The following ZFHX3 variants were observed in gnomAD, a reference collection of about 807,000 sequenced individuals.
ZFHX3 encodes zinc finger homeobox 3.
In ZFHX3, 42 loss-of-function variants were observed where a neutral mutation model predicts 279.1. The observed-to-expected ratio is 0.15, with a 90% confidence interval of 0.12 to 0.19. The LOEUF (loss-of-function observed/expected upper bound fraction) is 0.19, where lower values mean the gene tolerates loss of function less well. Among genes scored for constraint, ZFHX3 ranks in the 10% least tolerant of loss-of-function variants. The pLI is 1.00. For synonymous variants in ZFHX3, 2,293 were observed against 1,957.8 expected (o/e 1.17, Z -4.52); for missense variants, 4,981 against 4,754.0 (o/e 1.05, Z -1.40).
intron 2 of ZFHX3, among the ~76,000 whole-genome samples, chr16:73,638,195 A>G (rs2052544945): frequency 6.6e-6 from 1 of 152,256 alleles, no homozygotes; most frequent in African/African-American, 2.4e-5. Context: ...AAGTAAAGAT[A>G]TATGTATAAG....
At chr16:73,784,866 T>C (rs976445831) in intron 1 of ZFHX3, among the ~76,000 whole-genome samples, 8 of 149,068 alleles carry the variant, frequency 5.4e-5, no homozygotes, top group Non-Finnish European at 8.9e-5. Flanking sequence ...AGCAGTTCCA[T>C]AAGTCCTCTA....
rs149021946 is a variant in ZFHX3, at chr16:73,513,085, A to G, written c.-1546-56827T>C. ...AATCACTCAAGGCAGAGTGGTTATC[A>G]TTACTGTAATGGCTGGCAAGGCTCA... On this transcript the variant is annotated intron_variant, in intron 2 of 17. Transcript: ENST00000641206. 2.9e-3 allele frequency among the ~76,000 whole-genome samples: 446 copies of G among 152,298 alleles called. 3 individuals carry two copies. Among genetic ancestry groups the G allele is most frequent in the African/African-American group, 0.01 (422 of 41,564 alleles).
At chr16:73,175,530 G>A (rs1055663407) in intron 5 of ZFHX3, among the ~76,000 whole-genome samples, 3 of 152,194 alleles carry the variant, frequency 2.0e-5, no homozygotes, top group Non-Finnish European at 2.9e-5. Context: ...AACAACGCCT[G>A]CTCAGAGGGC....
chr16:73,603,109 C>G (rs1445440156), intron 2 of ZFHX3, among the ~76,000 whole-genome samples: 2 of 151,664 alleles, frequency 1.3e-5, no homozygotes, highest in East Asian at 3.9e-4. Flanking sequence ...CACGGTAAAA[C>G]CTGTCTCTAC....
chr16:73,739,144 A>G (rs16972430), intron 1 of ZFHX3, among the ~76,000 whole-genome samples: 3,249 of 152,198 alleles, frequency 0.021, 74 homozygotes, highest in African/African-American at 0.048. Flanking sequence ...AGACAACTAA[A>G]TCTCTGCATT....
At chr16:73,464,553 T>C (rs1037704874) in intron 2 of ZFHX3, among the ~76,000 whole-genome samples, 3 of 125,856 alleles carry the variant, frequency 2.4e-5, no homozygotes, top group African/African-American at 9.2e-5. Context: ...CGGTTCTTTC[T>C]ATAGCCCTGA....
intron 1 of ZFHX3, among the ~76,000 whole-genome samples, chr16:73,801,067 T>C (rs553532332): frequency 9.8e-5 from 15 of 152,298 alleles, no homozygotes; most frequent in African/African-American, 3.6e-4. Context: ...ATGCTACCAC[T>C]TAGATTCTAA....
chr16:73,249,344 A>G (rs574212884), intron 5 of ZFHX3, among the ~76,000 whole-genome samples: 19 of 152,358 alleles, frequency 1.2e-4, no homozygotes, highest in African/African-American at 4.6e-4. Flanking sequence ...TGCTGCTAAT[A>G]AAGACATACC....
chr16:73,604,396 C>A (rs1034064976), intron 2 of ZFHX3, among the ~76,000 whole-genome samples: 22 of 152,198 alleles, frequency 1.4e-4, no homozygotes, highest in African/African-American at 5.3e-4. Flanking sequence ...ATCTAATCCA[C>A]TGGAAACATA....
At chr16:73,720,698 T>C (rs2053465680) in intron 1 of ZFHX3, among the ~76,000 whole-genome samples, 2 of 152,206 alleles carry the variant, frequency 1.3e-5, no homozygotes, top group Non-Finnish European at 2.9e-5. Flanking sequence ...GTGTGATAAT[T>C]GTATAGTTAG....
intron 1 of ZFHX3, among the ~76,000 whole-genome samples, chr16:73,844,735 AGATG>A (rs1397279892): frequency 2.6e-5 from 4 of 151,744 alleles, no homozygotes; most frequent in Non-Finnish European, 5.9e-5. Flanking sequence ...GATGATAGGT[AGATG>A]GATAGGTAAA....
At chr16:73,017,234 G>GA (rs113170514) in intron 1 of ZFHX3, among the ~76,000 whole-genome samples, 217 of 126,186 alleles carry the variant, frequency 1.7e-3, no homozygotes, top group East Asian at 2.0e-3. Context: ...CTCCCATCTC[G>GA]AAAAAAAAAA....
At chr16:73,116,132 A>C (rs1336086543) in intron 7 of ZFHX3, among the ~76,000 whole-genome samples, 2 of 152,010 alleles carry the variant, frequency 1.3e-5, no homozygotes, top group African/African-American at 2.4e-5. Context: ...AAAAAAAAAA[A>C]AAAAAATGTT....
intron 1 of ZFHX3, among the ~76,000 whole-genome samples, chr16:73,028,808 T>C (rs559365315): frequency 1.9e-4 from 29 of 152,290 alleles, no homozygotes; most frequent in African/African-American, 3.1e-4. Context: ...ATTTGCCTAA[T>C]TGAACATTAA....
At chr16:73,327,669 A>G (rs1185405843) in intron 3 of ZFHX3, among the ~76,000 whole-genome samples, 1 of 152,232 alleles carries the variant, frequency 6.6e-6, no homozygotes, top group African/African-American at 2.4e-5. Flanking sequence ...CTTATCATTC[A>G]AGAATACCAA....
chr16:73,625,935 A>G (rs776379904), intron 2 of ZFHX3, among the ~76,000 whole-genome samples: 6 of 152,090 alleles, frequency 3.9e-5, no homozygotes, highest in Non-Finnish European at 8.8e-5. Context: ...TCTGCTCACC[A>G]CAAGCTCCGC....
intron 4 of ZFHX3, among the ~76,000 whole-genome samples, chr16:72,867,312 C>T (rs570331462): frequency 7.2e-5 from 11 of 152,226 alleles, no homozygotes; most frequent in Admixed American, 2.0e-4. Flanking sequence ...ACTGCACTAA[C>T]AGCATCACTC....
intron 5 of ZFHX3, among the ~76,000 whole-genome samples, chr16:73,172,097 G>C (rs1967541194): frequency 6.6e-6 from 1 of 152,182 alleles, no homozygotes; most frequent in Non-Finnish European, 1.5e-5. Flanking sequence ...CCGCCTGCCG[G>C]GTCCTTCAGG....
intron 5 of ZFHX3, among the ~76,000 whole-genome samples, chr16:73,206,970 A>G (rs557264864): frequency 6.6e-6 from 1 of 151,954 alleles, no homozygotes; most frequent in Non-Finnish European, 1.5e-5. Flanking sequence ...GTGAGCTGAG[A>G]TCACGCCACT....
Sources: allele counts gnomAD v4.1 joint callset (sites outside exome capture counted in the v4.1 genomes callset), GRCh38; gene constraint gnomAD v4.1.1; transcripts MANE v1.5; gene names NCBI Gene and HGNC (gene_info 2026-07-23, HGNC 2026-07-21).